Variants in SREK1 observed in about 807,000 individuals in gnomAD.
SREK1 encodes splicing regulatory glutamic acid and lysine rich protein 1.
In SREK1, 13 loss-of-function variants were observed where a neutral mutation model predicts 66.5. The observed-to-expected ratio is 0.20, with a 90% CI of 0.13 to 0.31. The LOEUF (loss-of-function observed/expected upper bound fraction) is 0.31, where lower values mean the gene tolerates loss of function less well. Ranked by LOEUF, SREK1 falls within the 10% of genes least tolerant of loss-of-function variation. The pLI is 1.00. For synonymous variants in SREK1, 265 were observed against 263.5 expected (o/e 1.01, Z -0.05); for missense variants, 607 against 769.6 (o/e 0.79, Z 2.50).
In SREK1 at chr5:66,183,379, A is replaced by G. The variant is rs961644394; in HGVS notation, c.*4511A>G. 3 of 152,196 alleles carry G rather than the reference A, an allele frequency of 2.0e-5. No individual in the cohort carries two copies. Among genetic ancestry groups the G allele is most frequent in the African/African-American group, 7.2e-5 (3 of 41,454 alleles). The allele number at this position is 152,196 out of a possible 1,614,324, so 9.4% of individuals were successfully genotyped here. A position where few individuals can be genotyped will look rare whatever the true frequency, so the allele number is the denominator to read the frequency against. The stretch of plus-strand genomic sequence containing the variant: ...ATAGATTTAAGTATGAAATTTGAGT[A>G]TACTGTGTAGCTGTGTAGATCAACT... On this transcript the variant is annotated 3_prime_UTR_variant, in exon 12 of 12. Transcript: ENST00000334121.
At chr5:66,153,391 GA>G in intron 1 of SREK1, 71 bp from the exon 2 acceptor site, 1 of 1,556,600 alleles carries the variant, frequency 6.4e-7, no homozygotes, top group Non-Finnish European at 8.7e-7. Context: ...GGTTAAGAAA[GA>G]AATTTTAAGT....
At chr5:66,149,447 A>AC (rs1440319097) in intron 1 of SREK1, among the ~76,000 whole-genome samples, 4 of 152,218 alleles carry the variant, frequency 2.6e-5, no homozygotes, top group Non-Finnish European at 4.4e-5. Flanking sequence ...TTCAGAACAG[A>AC]CCAACATTTT....
chr5:66,158,927 G>T, intron 2 of SREK1: 1 of 1,308,760 alleles, frequency 7.6e-7, no homozygotes, highest in Non-Finnish European at 1.0e-6. Flanking sequence ...TAAGTTTCCA[G>T]TACAGGTGAC....
intron 2 of SREK1, chr5:66,156,933 G>T: frequency 1.0e-6 from 1 of 984,410 alleles, no homozygotes; most frequent in African/African-American, 1.7e-5. Context: ...TTCCTCAGTT[G>T]ACTTTGAGGA....
intron 2 of SREK1, chr5:66,158,296 A>G (rs1346486334): frequency 6.6e-6 from 1 of 152,028 alleles, no homozygotes; most frequent in Non-Finnish European, 1.5e-5. Context: ...AGATTATTTT[A>G]ATGTTACTAT....
At chr5:66,170,460 TG>T in intron 8 of SREK1, 124 bp from the exon 9 acceptor site, 1 of 1,266,386 alleles carries the variant, frequency 7.9e-7, no homozygotes, top group Non-Finnish European at 1.1e-6. Flanking sequence ...TATATAAAAA[TG>T]TATATGTAAA....
intron 1 of SREK1, chr5:66,145,234 T>G: frequency 1.1e-6 from 1 of 914,638 alleles, no homozygotes; most frequent in Non-Finnish European, 1.3e-6. Context: ...GTCCAGATCT[T>G]GGCTGGCATT....
intron 1 of SREK1, among the ~76,000 whole-genome samples, chr5:66,148,198 G>T (rs1743433551): frequency 6.6e-6 from 1 of 151,976 alleles, no homozygotes; most frequent in African/African-American, 2.4e-5. Flanking sequence ...GAAGCCCAGT[G>T]AAGAAACCCT....
At chr5:66,156,871 C>T (rs1463767619) in intron 2 of SREK1, 2 of 982,540 alleles carry the variant, frequency 2.0e-6, no homozygotes, top group Non-Finnish European at 2.4e-6. Flanking sequence ...TCAGAGGTTA[C>T]TAGCTTCTAA....
chr5:66,147,813 C>T (rs754210150), intron 1 of SREK1, among the ~76,000 whole-genome samples: 59 of 152,258 alleles, frequency 3.9e-4, no homozygotes, highest in Admixed American at 1.0e-3. Flanking sequence ...GGACATATTA[C>T]CTCATTGGTT....
At position 66,170,079 on chromosome 5, in the gene SREK1, A is replaced by G. The variant is rs1474741629; in HGVS notation, c.1030A>G (p.Arg344Gly). Reference sequence around the variant, plus strand: ...TAGATCCCATAATAGATCACGTTCAAGACAGAAAGACAGACGTAGATCTAA... The same window carrying G: ...TAGATCCCATAATAGATCACGTTCAGGACAGAAAGACAGACGTAGATCTAA... ...RSRSHNRSRS[R>G]QKDRRRSKSP... The change falls in exon 8 of 12, where the codon AGA (arginine) becomes GGA (glycine). Residue 344 changes from arginine to glycine, a missense_variant. This residue lies in a region of SREK1 where 112 missense variants were observed against 168.6 expected (regional missense o/e 0.66). Transcript: ENST00000334121. 1.2e-6 allele frequency: 2 copies of G among 1,610,354 alleles called. No homozygotes were observed. The highest frequency in any genetic ancestry group is 2.7e-5 in the African/African-American group (2 of 74,750).
intron 2 of SREK1, chr5:66,155,954 T>A: frequency 6.9e-7 from 1 of 1,449,574 alleles, no homozygotes; most frequent in Non-Finnish European, 9.3e-7. Flanking sequence ...ATAACAAGGG[T>A]GTCAGCCTAA....
rs749505148 is a variant in SREK1, at chr5:66,183,265, TGAAA to T, written c.*4401_*4404del. ...AAGTATAAATTCATAAAAATCACAC[TGAAA>T]GAATAGGTTGATTTCAACCATTTTG... On this transcript the variant is annotated 3_prime_UTR_variant, in exon 12 of 12. Coordinates refer to ENST00000334121, the MANE Select transcript of SREK1 (RefSeq NM_001077199.3). 6.6e-5 allele frequency: 10 copies of T among 152,200 alleles called. No individual in the cohort carries two copies. The highest frequency in any genetic ancestry group is 9.7e-5 in the African/African-American group (4 of 41,446). The allele number at this position is 152,200 out of a possible 1,614,324, so 9.4% of individuals were successfully genotyped here. A position where few individuals can be genotyped will look rare whatever the true frequency, so the allele number is the denominator to read the frequency against.
At chr5:66,154,245 T>G (rs2111972744) in intron 2 of SREK1, among the ~76,000 whole-genome samples, 1 of 152,304 alleles carries the variant, frequency 6.6e-6, no homozygotes, top group African/African-American at 2.4e-5. Context: ...CCTTAAAGTA[T>G]CCATTAAATT....
intron 9 of SREK1, 101 bp downstream of exon 9, chr5:66,171,048 C>T: frequency 7.3e-7 from 1 of 1,369,110 alleles, no homozygotes; most frequent in Non-Finnish European, 9.8e-7. Context: ...CAAGTGGAAC[C>T]TGTAAAGTAA....
chr5:66,146,606 A>G (rs1398302056), intron 1 of SREK1, among the ~76,000 whole-genome samples: 1 of 151,974 alleles, frequency 6.6e-6, no homozygotes, highest in Non-Finnish European at 1.5e-5. Flanking sequence ...GCAATACTAG[A>G]TCCCTCATTC....
intron 5 of SREK1, 90 bp from the exon 6 acceptor site, chr5:66,163,702 C>G: frequency 2.9e-6 from 4 of 1,361,976 alleles, no homozygotes; most frequent in South Asian, 1.5e-5. Flanking sequence ...GATGTCCTCA[C>G]GTTTATAAAT....
intron 3 of SREK1, 150 bp from the exon 4 acceptor site, chr5:66,161,959 A>T: frequency 1.3e-6 from 1 of 744,032 alleles, no homozygotes; most frequent in Non-Finnish European, 2.1e-6. Context: ...TACTTTAATA[A>T]CTCAGACATA....
chr5:66,177,240 A>G (rs1486501056), intron 10 of SREK1: 2 of 241,858 alleles, frequency 8.3e-6, no homozygotes, highest in Non-Finnish European at 1.6e-5. Context: ...ATATTCGAAA[A>G]CTATTAAATA....
Sources: allele counts gnomAD v4.1 joint callset (sites outside exome capture counted in the v4.1 genomes callset), GRCh38; gene constraint gnomAD v4.1.1; regional missense constraint gnomAD v4.1.1; transcripts MANE v1.5; gene names NCBI Gene and HGNC (gene_info 2026-07-23, HGNC 2026-07-21).